The following GAS2 variants were observed in gnomAD, a reference collection of about 807,000 sequenced individuals.
The protein encoded by GAS2 is growth arrest specific 2.
GAS2 carries 20 observed loss-of-function variants against 37.5 expected under a neutral mutation model. The observed-to-expected ratio is 0.53, with a 90% CI of 0.37 to 0.77. The LOEUF (loss-of-function observed/expected upper bound fraction) is 0.77, where lower values mean the gene tolerates loss of function less well. Ranked by LOEUF, GAS2 falls within the 30% of genes least tolerant of loss-of-function variation. The pLI, the probability that GAS2 is intolerant of heterozygous loss-of-function variation, is 0.00. For synonymous variants in GAS2, 144 were observed against 132.2 expected, an observed-to-expected ratio of 1.09 and a Z score of -0.61; for missense variants, 336 against 373.4, an observed-to-expected ratio of 0.90 and a Z score of 0.82.
chr11:22,783,730 A>T (rs1855681088), intron 7 of GAS2, among the ~76,000 whole-genome samples: 1 of 152,118 alleles, frequency 6.6e-6, no homozygotes, highest in African/African-American at 2.4e-5. Flanking sequence ...TCCAATCCCC[A>T]TGTCAAGAAG....
chr11:22,797,339 T>C (rs1856477550), intron 7 of GAS2, among the ~76,000 whole-genome samples: 1 of 152,074 alleles, frequency 6.6e-6, no homozygotes, highest in Non-Finnish European at 1.5e-5. Flanking sequence ...GAGCCTACTT[T>C]ATGAAGCTGA....
chr11:22,689,813 T>A lies in GAS2; in HGVS notation c.267+4024T>A, dbSNP rs893323993. On this transcript the variant is annotated intron_variant, in intron 3 of 7. Transcript: ENST00000454584. ...TGGAGGTTACAATATTAAGTCTGAT[T>A]TTACACGTGTGTACACTCATGTGTT... Among the ~76,000 whole-genome samples, 25 of 152,200 alleles carry A rather than the reference T, an allele frequency of 1.6e-4. 1 individual carries two copies. Among genetic ancestry groups the A allele is most frequent in the African/African-American group, 5.5e-4 (23 of 41,464 alleles).
intron 7 of GAS2, among the ~76,000 whole-genome samples, chr11:22,781,781 ATGT>A (rs1198028690): frequency 6.6e-6 from 1 of 151,744 alleles, no homozygotes; most frequent in Non-Finnish European, 1.5e-5. Flanking sequence ...TGATACTGTA[ATGT>A]AACAAAGCAG....
chr11:22,738,779 T>C (rs939980350), intron 5 of GAS2, among the ~76,000 whole-genome samples: 3 of 152,220 alleles, frequency 2.0e-5, no homozygotes, highest in Non-Finnish European at 4.4e-5. Flanking sequence ...AATCAGAATA[T>C]GTAACCTCAA....
At chr11:22,709,297 A>G (rs1418547859) in intron 3 of GAS2, among the ~76,000 whole-genome samples, 5 of 151,964 alleles carry the variant, frequency 3.3e-5, no homozygotes, top group Admixed American at 1.3e-4. Context: ...TCCTGTGTAT[A>G]TGTTGGCTTA....
At chr11:22,750,368 A>G (rs1238115769) in intron 6 of GAS2, among the ~76,000 whole-genome samples, 1 of 152,094 alleles carries the variant, frequency 6.6e-6, no homozygotes, top group Non-Finnish European at 1.5e-5. Context: ...GATCAACTAT[A>G]TTGCAGATTT....
At chr11:22,750,590 G>A (rs1473180638) in intron 6 of GAS2, among the ~76,000 whole-genome samples, 1 of 151,976 alleles carries the variant, frequency 6.6e-6, no homozygotes, top group Non-Finnish European at 1.5e-5. Flanking sequence ...TAACTTTTTT[G>A]AAGAATTGGT....
At chr11:22,664,865 CTCTTT>C (rs1297725324), upstream of GAS2, among the ~76,000 whole-genome samples, 1 of 152,056 alleles carries the variant, frequency 6.6e-6, no homozygotes, top group Non-Finnish European at 1.5e-5. Flanking sequence ...TGTATTACTT[CTCTTT>C]TGTCACCAAA....
intron 1 of GAS2, among the ~76,000 whole-genome samples, chr11:22,652,993 G>GTCTTTCTTCCTTTCTTTCTTTCTTTCTT (rs1848805900): frequency 2.1e-5 from 2 of 97,036 alleles, no homozygotes; most frequent in Non-Finnish European, 4.0e-5. Flanking sequence ...TTCTTTCTTT[G>GTCTTTCTTCCTTTCTTTCTTTCTTTCTT]TCTTTCTTTC....
At chr11:22,651,245 C>G (rs952048722) in intron 1 of GAS2, among the ~76,000 whole-genome samples, 1 of 152,142 alleles carries the variant, frequency 6.6e-6, no homozygotes, top group Non-Finnish European at 1.5e-5. Context: ...TGAATATTGG[C>G]CCCCACTGTC....
intron 1 of GAS2, among the ~76,000 whole-genome samples, chr11:22,627,013 G>C (rs781744306): frequency 1.1e-4 from 16 of 152,104 alleles, no homozygotes; most frequent in African/African-American, 2.7e-4. Context: ...GGCTGGTCTC[G>C]AACTTCTGAC....
chr11:22,693,515 CT>C (rs1273652796), intron 3 of GAS2, among the ~76,000 whole-genome samples: 1 of 152,100 alleles, frequency 6.6e-6, no homozygotes, highest in African/African-American at 2.4e-5. Flanking sequence ...GAATCTCTGA[CT>C]TTTTAAATAG....
intron 7 of GAS2, among the ~76,000 whole-genome samples, chr11:22,764,379 T>C (rs1854561373): frequency 6.6e-6 from 1 of 151,760 alleles, no homozygotes; most frequent in Admixed American, 6.6e-5. Context: ...GCTAACATGG[T>C]GAAACCCCGT....
chr11:22,770,341 T>C (rs1174557084), intron 7 of GAS2, among the ~76,000 whole-genome samples: 3 of 152,070 alleles, frequency 2.0e-5, no homozygotes, highest in Non-Finnish European at 4.4e-5. Flanking sequence ...TAAATAGCAA[T>C]GGTAGGGCCA....
At position 22,685,783 on chromosome 11, in the gene GAS2, C is replaced by G; in HGVS notation, c.261C>G (p.Pro87=). The G allele has an allele frequency of 6.2e-7, 1 of 1,611,662 alleles. No individual in the cohort carries two copies. Among genetic ancestry groups the G allele is most frequent in the Non-Finnish European group, 8.5e-7 (1 of 1,179,148 alleles). ...KFKESMDANK[P]TKNLPLKKIP... ...AGGAGAGCATGGATGCTAACAAGCC[C>G]ACAAAGGTAAAAGATCCCAATGCAA... The change falls in exon 3 of 8, where the codon CCC becomes CCG. Residue 87 remains proline, a synonymous_variant. Coordinates refer to ENST00000454584, the MANE Select transcript of GAS2 (RefSeq NM_001143830.3).
intron 1 of GAS2, among the ~76,000 whole-genome samples, chr11:22,658,908 G>A (rs1359497166): frequency 6.6e-6 from 1 of 152,180 alleles, no homozygotes; most frequent in Non-Finnish European, 1.5e-5. Flanking sequence ...GCCCAATTGT[G>A]GGGATGAGAT....
chr11:22,739,397 AC>A (rs1383033147), intron 5 of GAS2, among the ~76,000 whole-genome samples: 5 of 151,812 alleles, frequency 3.3e-5, no homozygotes, highest in Non-Finnish European at 7.4e-5. Flanking sequence ...ACAGAATGAA[AC>A]CCTGTCTATA....
intron 1 of GAS2, among the ~76,000 whole-genome samples, chr11:22,649,087 T>C (rs898774588): frequency 1.3e-5 from 2 of 152,148 alleles, no homozygotes; most frequent in Non-Finnish European, 2.9e-5. Context: ...TTGAAATACG[T>C]CCCATCAATA....
intron 3 of GAS2, chr11:22,702,466 C>A (rs1850892507): frequency 6.6e-6 from 1 of 152,070 alleles, no homozygotes; most frequent in African/African-American, 2.4e-5. Flanking sequence ...TAGGCCCTAG[C>A]AAAATGGAAA....
Sources: allele counts gnomAD v4.1 joint callset (sites outside exome capture counted in the v4.1 genomes callset), GRCh38; gene constraint gnomAD v4.1.1; transcripts MANE v1.5; gene names NCBI Gene and HGNC (gene_info 2026-07-23, HGNC 2026-07-21).